The following DGAT2 variants were observed in gnomAD, a reference collection of about 807,000 sequenced individuals.
DGAT2 encodes the protein acyl-CoA retinol O-fatty-acyltransferase.
In DGAT2, 33 loss-of-function variants were observed where a neutral mutation model predicts 48.4. The ratio of observed to expected loss-of-function variants is 0.68; its 90% confidence interval spans 0.52 to 0.91. The LOEUF (loss-of-function observed/expected upper bound fraction) is 0.91, where lower values mean the gene tolerates loss of function less well. DGAT2 is among the 40% of genes least tolerant of loss of function. DGAT2 has a pLI of 0.00. For missense variants in DGAT2, 446 were observed against 493.7 expected (o/e 0.90, Z 0.92); for synonymous variants, 191 against 194.1 (o/e 0.98, Z 0.13).
chr11:75,773,439 T>C (rs1258368564), intron 1 of DGAT2, among the ~76,000 whole-genome samples: 1 of 152,194 alleles, frequency 6.6e-6, no homozygotes, highest in Non-Finnish European at 1.5e-5. Flanking sequence ...GCTGGGGGCT[T>C]CACTTCCTCT....
chr11:75,779,550 G>A (rs144194204), intron 1 of DGAT2, among the ~76,000 whole-genome samples: 94 of 152,278 alleles, frequency 6.2e-4, no homozygotes, highest in South Asian at 1.0e-3. Flanking sequence ...CCACATAGGC[G>A]CAGGAGAAGG....
At chr11:75,790,413 C>A in intron 3 of DGAT2, 118 bp downstream of exon 3, 1 of 930,188 alleles carries the variant, frequency 1.1e-6, no homozygotes, top group Non-Finnish European at 1.7e-6. Flanking sequence ...GTGAAAAGCA[C>A]TGGACTAGTC....
intron 2 of DGAT2, 125 bp downstream of exon 2, chr11:75,784,871 C>A: frequency 7.6e-7 from 1 of 1,322,312 alleles, no homozygotes. Flanking sequence ...TGCTGCCCCA[C>A]AGCACCTTTC....
intron 1 of DGAT2, among the ~76,000 whole-genome samples, chr11:75,775,669 C>G (rs1262091356): frequency 1.3e-5 from 2 of 152,208 alleles, no homozygotes; most frequent in Admixed American, 6.5e-5. Flanking sequence ...ACTTTTCCAA[C>G]TAGACTCACA....
At position 75,796,807 on chromosome 11, in the gene DGAT2, T is replaced by C. The variant is rs182492588; in HGVS notation, c.634+275T>C. ...CCCTTGTGTTGCCTTTTGTACAACC[T>C]GATTGTTGTCCATGGCACTGTAATT... On this transcript the variant is annotated intron_variant, in intron 5 of 7. Transcript: ENST00000228027. 825 of 518,792 alleles carry C rather than the reference T, an allele frequency of 1.6e-3. 6 individuals are homozygous for C. The highest frequency in any genetic ancestry group is 0.014 in the African/African-American group (750 of 52,656). 32.1% of individuals were successfully genotyped at this position (518,792 alleles called of 1,614,324 possible).
At chr11:75,791,661 T>C (rs758948644) in intron 4 of DGAT2, among the ~76,000 whole-genome samples, 25 of 152,216 alleles carry the variant, frequency 1.6e-4, no homozygotes, top group Non-Finnish European at 2.9e-5. Context: ...CCTGTTTCTC[T>C]GGGAGAGATT....
chr11:75,771,223 G>A (rs1210120648), intron 1 of DGAT2, among the ~76,000 whole-genome samples: 1 of 152,208 alleles, frequency 6.6e-6, no homozygotes, highest in Non-Finnish European at 1.5e-5. Flanking sequence ...GGGGAAGCGG[G>A]AGTCTGTGTT....
At chr11:75,772,917 G>C (rs998493707) in intron 1 of DGAT2, among the ~76,000 whole-genome samples, 2 of 152,240 alleles carry the variant, frequency 1.3e-5, no homozygotes, top group Non-Finnish European at 2.9e-5. Context: ...TTGAACCCAG[G>C]AGGAGGAGGT....
At chr11:75,784,437 A>C in intron 1 of DGAT2, 181 bp from the exon 2 acceptor site, 1 of 708,888 alleles carries the variant, frequency 1.4e-6, no homozygotes, top group Non-Finnish European at 2.2e-6. Context: ...GAGCATGCAG[A>C]CAGCCCAGAG....
chr11:75,800,812 T>C lies in DGAT2; in HGVS notation c.*304T>C, dbSNP rs1945105456. The stretch of plus-strand genomic sequence containing the variant: ...CTCAGTCTTCTTGGGGAAGAAGGAT[T>C]GCCATTAGTGACTTGGACCAGTTAG... On this transcript the variant is annotated 3_prime_UTR_variant, in exon 8 of 8. Coordinates refer to ENST00000228027, the MANE Select transcript of DGAT2 (RefSeq NM_032564.5). 1 of 328,768 alleles carries C rather than the reference T, an allele frequency of 3.0e-6. No individual in the cohort carries two copies. The highest frequency in any genetic ancestry group is 7.9e-5 in the East Asian group (1 of 12,632). 20.4% of individuals were successfully genotyped at this position (328,768 alleles called of 1,614,324 possible).
chr11:75,773,872 T>C (rs1414839977), intron 1 of DGAT2: 3 of 152,140 alleles, frequency 2.0e-5, no homozygotes, highest in Admixed American at 2.0e-4. Flanking sequence ...CTGGAAGAGG[T>C]GACATTCAGT....
chr11:75,777,561 C>A (rs1045623609), intron 1 of DGAT2, among the ~76,000 whole-genome samples: 3 of 152,106 alleles, frequency 2.0e-5, no homozygotes, highest in African/African-American at 7.2e-5. Flanking sequence ...AGGTATTAGC[C>A]CCACTGTATA....
chr11:75,797,472 T>C, intron 6 of DGAT2, 140 bp downstream of exon 6: 1 of 1,086,010 alleles, frequency 9.2e-7, no homozygotes. Flanking sequence ...GAGGGGATGT[T>C]GGAGCCCAGA....
chr11:75,789,818 C>T (rs1054002631), intron 2 of DGAT2, among the ~76,000 whole-genome samples: 1 of 152,174 alleles, frequency 6.6e-6, no homozygotes, highest in Admixed American at 6.5e-5. Flanking sequence ...GTGTTCCCTC[C>T]CCTTATCCAC....
intron 4 of DGAT2, among the ~76,000 whole-genome samples, chr11:75,791,695 AT>A (rs1472605758): frequency 1.3e-5 from 2 of 152,090 alleles, no homozygotes; most frequent in Admixed American, 1.3e-4. Flanking sequence ...TCCCCATTGG[AT>A]TGATTCCAGC....
At chr11:75,800,290 C>T (rs932334534) in intron 7 of DGAT2, 64 bp from the exon 8 acceptor site, 25 of 1,569,264 alleles carry the variant, frequency 1.6e-5, no homozygotes, top group Non-Finnish European at 2.0e-5. Context: ...CCACCTTCAG[C>T]ATCATGGTGG....
chr11:75,783,450 G>A (rs1408526781), intron 1 of DGAT2, among the ~76,000 whole-genome samples: 2 of 152,224 alleles, frequency 1.3e-5, no homozygotes, highest in Non-Finnish European at 2.9e-5. Context: ...AGGCTTGAGT[G>A]TAGGCCCCTA....
chr11:75,774,189 A>G (rs1944783875), intron 1 of DGAT2: 1 of 152,352 alleles, frequency 6.6e-6, no homozygotes, highest in Non-Finnish European at 1.5e-5. Context: ...GCCTCCTGGT[A>G]TGGAGCTGCT....
intron 1 of DGAT2, chr11:75,776,280 TC>T (rs1286457909): frequency 6.6e-6 from 1 of 152,206 alleles, no homozygotes; most frequent in Non-Finnish European, 1.5e-5. Context: ...CAAACATCGA[TC>T]GAGCACCTTC....
Sources: allele counts gnomAD v4.1 joint callset (sites outside exome capture counted in the v4.1 genomes callset), GRCh38; gene constraint gnomAD v4.1.1; transcripts MANE v1.5; gene names NCBI Gene and HGNC (gene_info 2026-07-23, HGNC 2026-07-21).